LRMDA: variants seen among roughly 807,000 people sequenced by gnomAD.
The protein encoded by LRMDA is leucine-rich melanocyte differentiation-associated protein.
LRMDA carries 18 observed loss-of-function variants against 29.8 expected under a neutral mutation model. The ratio of observed to expected loss-of-function variants is 0.60; its 90% CI spans 0.42 to 0.90. LRMDA has a LOEUF of 0.90. LRMDA is among the 40% of genes least tolerant of loss of function. The pLI is 0.00. For missense variants in LRMDA, 273 were observed against 273.9 expected (o/e 1.00, Z 0.02); for synonymous variants, 125 against 109.4 (o/e 1.14, Z -0.89).
intron 5 of LRMDA, among the ~76,000 whole-genome samples, chr10:76,306,512 A>T (rs2132370764): frequency 1.3e-5 from 2 of 152,260 alleles, no homozygotes; most frequent in South Asian, 4.1e-4. Flanking sequence ...CGGGGCATGG[A>T]TCTTCAGGGG....
intron 2 of LRMDA, among the ~76,000 whole-genome samples, chr10:75,572,993 C>T (rs1409057009): frequency 6.6e-6 from 1 of 152,210 alleles, no homozygotes; most frequent in Non-Finnish European, 1.5e-5. Context: ...TAACATTGAT[C>T]ATGGACTTCT....
chr10:76,203,614 A>T (rs2132235437), intron 5 of LRMDA, among the ~76,000 whole-genome samples: 1 of 152,304 alleles, frequency 6.6e-6, no homozygotes, highest in African/African-American at 2.4e-5. Context: ...GCAAATCTCT[A>T]TTCTTGCCCT....
intron 5 of LRMDA, among the ~76,000 whole-genome samples, chr10:76,140,136 G>A (rs1850171704): frequency 6.6e-6 from 1 of 152,086 alleles, no homozygotes; most frequent in Non-Finnish European, 1.5e-5. Flanking sequence ...TCTAGCGTAA[G>A]GATTATTTTG....
intron 5 of LRMDA, among the ~76,000 whole-genome samples, chr10:76,118,893 G>A (rs540203828): frequency 7.9e-6 from 1 of 126,308 alleles, no homozygotes; most frequent in South Asian, 2.5e-4. Context: ...TTGTAGTTCG[G>A]AACTTGAGGC....
intron 2 of LRMDA, among the ~76,000 whole-genome samples, chr10:75,781,069 C>A (rs1422673615): frequency 6.6e-6 from 1 of 152,202 alleles, no homozygotes; most frequent in Admixed American, 6.5e-5. Flanking sequence ...TCTTCCTTTT[C>A]CACCTTGTGA....
chr10:76,237,734 C>T (rs1479192497), intron 5 of LRMDA, among the ~76,000 whole-genome samples: 1 of 149,342 alleles, frequency 6.7e-6, no homozygotes, highest in African/African-American at 2.5e-5. Context: ...GGGAAGCTTC[C>T]TGTGATTGCA....
chr10:75,734,620 A>C (rs905995268), intron 2 of LRMDA, among the ~76,000 whole-genome samples: 2 of 152,204 alleles, frequency 1.3e-5, no homozygotes, highest in African/African-American at 4.8e-5. Context: ...TACTCTGTGA[A>C]TGTTTATTGA....
intron 6 of LRMDA, among the ~76,000 whole-genome samples, chr10:76,441,385 C>T (rs959213438): frequency 1.3e-5 from 2 of 152,064 alleles, no homozygotes; most frequent in Non-Finnish European, 2.9e-5. Flanking sequence ...TGTGAAACCT[C>T]GAGAAAATTA....
chr10:75,650,139 T>A (rs1841578897), intron 2 of LRMDA, among the ~76,000 whole-genome samples: 1 of 152,226 alleles, frequency 6.6e-6, no homozygotes, highest in South Asian at 2.1e-4. Flanking sequence ...GTTTGTCTAT[T>A]TTCTTTCTTT....
At chr10:76,036,451 T>C (rs1848247954) in intron 3 of LRMDA, among the ~76,000 whole-genome samples, 2 of 152,340 alleles carry the variant, frequency 1.3e-5, no homozygotes, top group East Asian at 1.9e-4. Flanking sequence ...AAGAAAATAA[T>C]GTCACCGCTG....
intron 6 of LRMDA, among the ~76,000 whole-genome samples, chr10:76,405,473 A>G (rs2132501781): frequency 6.6e-6 from 1 of 152,296 alleles, no homozygotes; most frequent in East Asian, 1.9e-4. Context: ...CCTGCCAGGA[A>G]CAGTGCGCTG....
intron 6 of LRMDA, among the ~76,000 whole-genome samples, chr10:76,512,244 TA>T (rs1448713311): frequency 3.3e-5 from 5 of 152,194 alleles, no homozygotes; most frequent in Admixed American, 1.3e-4. Context: ...TAAGTCCAAT[TA>T]AACCTCTTTT....
At chr10:75,595,371 C>T (rs2132087205) in intron 2 of LRMDA, among the ~76,000 whole-genome samples, 1 of 152,096 alleles carries the variant, frequency 6.6e-6, no homozygotes, top group East Asian at 1.9e-4. Context: ...TTTGGATAAT[C>T]CTAATCTCAT....
chr10:75,486,225 T>G (rs1844911085), intron 2 of LRMDA, among the ~76,000 whole-genome samples: 1 of 152,202 alleles, frequency 6.6e-6, no homozygotes. Context: ...TTATTGGAAT[T>G]TAGGTATTTT....
intron 2 of LRMDA, among the ~76,000 whole-genome samples, chr10:75,891,416 G>T (rs1229448539): frequency 2.6e-5 from 4 of 152,186 alleles, no homozygotes; most frequent in Admixed American, 2.6e-4. Context: ...CTGAGGGAGG[G>T]GAGCAGAGGA....
intron 2 of LRMDA, among the ~76,000 whole-genome samples, chr10:75,519,693 A>ATTGTT (rs1046000826): frequency 3.3e-5 from 5 of 152,176 alleles, no homozygotes; most frequent in Middle Eastern, 3.2e-3. Context: ...TAAGGTTAAT[A>ATTGTT]TTGTTATGTG....
intron 3 of LRMDA, among the ~76,000 whole-genome samples, chr10:76,036,504 G>C (rs1056316212): frequency 2.6e-5 from 4 of 152,228 alleles, no homozygotes; most frequent in African/African-American, 9.6e-5. Flanking sequence ...GCTTGTGTGG[G>C]AGGGCGACCT....
At chr10:76,398,111 A>C (rs1321058989) in intron 6 of LRMDA, among the ~76,000 whole-genome samples, 1 of 152,198 alleles carries the variant, frequency 6.6e-6, no homozygotes, top group South Asian at 2.1e-4. Context: ...CCTTTGTAAC[A>C]TCAAAACGGA....
intron 2 of LRMDA, among the ~76,000 whole-genome samples, chr10:75,971,475 T>G (rs1846969597): frequency 6.6e-6 from 1 of 152,214 alleles, no homozygotes; most frequent in Non-Finnish European, 1.5e-5. Flanking sequence ...TTATCACTCT[T>G]TCACCAGGCT....
Sources: allele counts gnomAD v4.1 joint callset (sites outside exome capture counted in the v4.1 genomes callset), GRCh38; gene constraint gnomAD v4.1.1; transcripts MANE v1.5; gene names NCBI Gene and HGNC (gene_info 2026-07-23, HGNC 2026-07-21).